The following PLAC1 variants were observed in gnomAD, a reference collection of about 807,000 sequenced individuals.
The protein encoded by PLAC1 is placenta-specific protein 1.
For synonymous variants in PLAC1, 68 were observed against 62.1 expected (o/e 1.09, Z -0.44); for missense variants, 136 against 163.2 (o/e 0.83, Z 0.91).
chrX:134,745,823 C>A (rs1366939560), intron 1 of PLAC1, among the ~76,000 whole-genome samples: 1 of 110,976 alleles, frequency 9.0e-6, no homozygotes, highest in African/African-American at 3.3e-5. Context: ...AAAAGGAAAC[C>A]AGCCCTTTCC....
In PLAC1 at chrX:134,742,314, G is replaced by A. The variant is rs192173450; in HGVS notation, n.90-8795C>T. 3.4e-3 allele frequency among the ~76,000 whole-genome samples: 381 copies of A among 112,879 alleles called. 1 individual carries two copies. The highest frequency in any genetic ancestry group is 0.014 in the Middle Eastern group (3 of 213). On this transcript the variant is annotated intron_variant and non_coding_transcript_variant, in intron 1 of 2. Coordinates refer to the PLAC1 transcript ENST00000466797. ...TAAGGAAGACAACAGTGGGCCGGGC[G>A]CAGTGGCTCAAGCCTGTAATCCCAG...
At chrX:134,658,040 G>A (rs2078400819) in intron 1 of PLAC1, among the ~76,000 whole-genome samples, 1 of 111,769 alleles carries the variant, frequency 8.9e-6, no homozygotes, top group South Asian at 3.8e-4. Context: ...ATCTATGTGT[G>A]TGTGTGTTCA....
At chrX:134,726,324 T>C (rs2078673946) in intron 2 of PLAC1, among the ~76,000 whole-genome samples, 1 of 110,604 alleles carries the variant, frequency 9.0e-6, no homozygotes, top group Non-Finnish European at 1.9e-5. Flanking sequence ...GAGTGAGGGG[T>C]CTCCTTGCAG....
At chrX:134,629,327 T>C (rs768565226) in intron 1 of PLAC1, among the ~76,000 whole-genome samples, 1 of 111,885 alleles carries the variant, frequency 8.9e-6, no homozygotes, top group Non-Finnish European at 1.9e-5. Flanking sequence ...AGAGTTTTTA[T>C]ATTAAACATA....
chrX:134,678,857 C>A (rs923020272), intron 2 of PLAC1, among the ~76,000 whole-genome samples: 2 of 99,447 alleles, frequency 2.0e-5, no homozygotes, highest in Admixed American at 2.3e-4. Context: ...TATAGGTGGC[C>A]TCTAAGTCAA....
At chrX:134,737,231 C>T (rs755780981) in intron 1 of PLAC1, among the ~76,000 whole-genome samples, 2 of 112,284 alleles carry the variant, frequency 1.8e-5, no homozygotes, top group African/African-American at 6.5e-5. Flanking sequence ...TAACACTTGT[C>T]GTTGGAACAC....
At chrX:134,601,542 A>G (rs2078089510) in intron 2 of PLAC1, 1 of 112,231 alleles carries the variant, frequency 8.9e-6, no homozygotes, top group Admixed American at 9.5e-5. Context: ...ACTCTTTTGG[A>G]TCATTTCAAT....
At chrX:134,741,512 G>A (rs1044592529) in intron 1 of PLAC1, among the ~76,000 whole-genome samples, 4 of 111,151 alleles carry the variant, frequency 3.6e-5, no homozygotes, top group Non-Finnish European at 7.5e-5. Context: ...TCACCGAGGA[G>A]GGAGAGAGTA....
chrX:134,705,862 C>T (rs923602374), intron 2 of PLAC1, among the ~76,000 whole-genome samples: 8 of 111,719 alleles, frequency 7.2e-5, no homozygotes, highest in Non-Finnish European at 1.3e-4. Context: ...AGTAATTTTC[C>T]CTACTCTTTC....
intron 1 of PLAC1, among the ~76,000 whole-genome samples, chrX:134,748,762 GA>G (rs2078734728): frequency 9.0e-6 from 1 of 111,669 alleles, no homozygotes; most frequent in African/African-American, 3.3e-5. Context: ...TGGATGAAAT[GA>G]CTGGCAAGAC....
At chrX:134,629,993 CAG>C (rs2078253223) in intron 1 of PLAC1, among the ~76,000 whole-genome samples, 1 of 78,988 alleles carries the variant, frequency 1.3e-5, no homozygotes, top group African/African-American at 5.0e-5. Flanking sequence ...TTTTTTGAGA[CAG>C]AGTTTCGCTC....
chrX:134,681,746 GA>G (rs201321837), intron 2 of PLAC1, among the ~76,000 whole-genome samples: 2 of 108,432 alleles, frequency 1.8e-5, no homozygotes, highest in Non-Finnish European at 3.8e-5. Context: ...AGTAGAAACT[GA>G]AAAAAAAATT....
intron 2 of PLAC1, among the ~76,000 whole-genome samples, chrX:134,727,758 A>C (rs949822261): frequency 6.2e-5 from 7 of 112,218 alleles, no homozygotes; most frequent in African/African-American, 1.9e-4. Flanking sequence ...TCTGCAAAGA[A>C]ATAGCCCATA....
At chrX:134,643,932 G>GAAGAAT (rs113542107) in intron 1 of PLAC1, among the ~76,000 whole-genome samples, 1 of 100,489 alleles carries the variant, frequency 1.0e-5, no homozygotes, top group Non-Finnish European at 2.0e-5. Context: ...TGTAAAAGAG[G>GAAGAAT]AATAATAATA....
At chrX:134,746,476 T>A (rs2078729464) in intron 1 of PLAC1, among the ~76,000 whole-genome samples, 1 of 111,800 alleles carries the variant, frequency 8.9e-6, no homozygotes, top group South Asian at 3.8e-4. Flanking sequence ...AGAGGCTAGA[T>A]AGGATTGTGG....
chrX:134,582,024 G>A (rs939438159), intron 2 of PLAC1, among the ~76,000 whole-genome samples: 9 of 112,107 alleles, frequency 8.0e-5, no homozygotes, highest in African/African-American at 2.6e-4. Flanking sequence ...TGGGTTGTTC[G>A]GAATCATTTT....
intron 2 of PLAC1, among the ~76,000 whole-genome samples, chrX:134,727,859 A>G (rs1178770284): frequency 3.6e-5 from 4 of 112,320 alleles, no homozygotes; most frequent in Non-Finnish European, 5.6e-5. Context: ...GCTATTTCAA[A>G]TAGGTTCAAA....
intron 1 of PLAC1, among the ~76,000 whole-genome samples, chrX:134,634,521 C>T (rs1163339407): frequency 1.8e-5 from 2 of 111,830 alleles, no homozygotes; most frequent in Non-Finnish European, 3.8e-5. Flanking sequence ...CTCTTCCATC[C>T]CTGAATCCCC....
At chrX:134,604,105 G>A (rs372702152) in intron 1 of PLAC1, among the ~76,000 whole-genome samples, 1 of 112,155 alleles carries the variant, frequency 8.9e-6, no homozygotes, top group East Asian at 2.8e-4. Context: ...CTTCTCCTAG[G>A]CCTAATGGAA....
Sources: gnomAD v4.1 joint callset for allele counts (sites outside exome capture counted in the v4.1 genomes callset) on GRCh38, gnomAD v4.1.1 for gene constraint, MANE v1.5 for transcripts, NCBI Gene and HGNC (gene_info 2026-07-23, HGNC 2026-07-21) for gene names.